The following TTC28 variants were observed in gnomAD, a reference collection of about 807,000 sequenced individuals.
TTC28 encodes tetratricopeptide repeat domain 28.
In TTC28, 61 loss-of-function variants were observed where a neutral mutation model predicts 198.0. That is an observed-to-expected ratio of 0.31 (90% confidence interval 0.25 to 0.38). The LOEUF is 0.38. Ranked by LOEUF, TTC28 falls within the 10% of genes least tolerant of loss-of-function variation. The pLI is 1.00. For synonymous variants in TTC28, 1,171 were observed against 1,297.8 expected (o/e 0.90, Z 2.10); for missense variants, 2,678 against 3,164.0 (o/e 0.85, Z 3.69).
At chr22:28,200,319 C>T (rs1445657617) in intron 5 of TTC28, among the ~76,000 whole-genome samples, 4 of 152,116 alleles carry the variant, frequency 2.6e-5, no homozygotes, top group African/African-American at 9.7e-5. Context: ...ACAGTGCTTA[C>T]AAATGGGAAA....
At chr22:28,290,568 T>C (rs1235243168) in intron 5 of TTC28, among the ~76,000 whole-genome samples, 1 of 152,134 alleles carries the variant, frequency 6.6e-6, no homozygotes, top group Non-Finnish European at 1.5e-5. Flanking sequence ...TGACAAAACA[T>C]GCAAGATGAA....
At chr22:28,217,813 T>C (rs775895347) in intron 5 of TTC28, among the ~76,000 whole-genome samples, 1 of 152,222 alleles carries the variant, frequency 6.6e-6, no homozygotes, top group Non-Finnish European at 1.5e-5. Flanking sequence ...TGTTAACCCA[T>C]TAGAATTACA....
chr22:28,127,133 A>AAAATATT (rs1255803793), intron 6 of TTC28, among the ~76,000 whole-genome samples: 3 of 152,238 alleles, frequency 2.0e-5, no homozygotes, highest in Admixed American at 1.3e-4. Context: ...GGCCCTGTTA[A>AAAATATT]AAATATTTGG....
intron 12 of TTC28, among the ~76,000 whole-genome samples, chr22:28,044,739 G>A (rs1939796420): frequency 6.6e-6 from 1 of 152,060 alleles, no homozygotes; most frequent in African/African-American, 2.4e-5. Flanking sequence ...AAAGCCTTCT[G>A]GCCTCTGGGA....
chr22:27,982,085 TG>T lies in TTC28; in HGVS notation c.*135del. The T allele has an allele frequency of 1.1e-6, 1 of 901,386 alleles. No individual in the cohort carries two copies. The highest frequency in any genetic ancestry group is 1.6e-6 in the Non-Finnish European group (1 of 626,180). The allele number at this position is 901,386 out of a possible 1,614,324, so 55.8% of individuals were successfully genotyped here. ...TGTGTGTGGCAGCCTTTGGACGTGG[TG>T]GTGCCCCTCGCCTGCAGAGCACAGC... On this transcript the variant is annotated 3_prime_UTR_variant, in exon 23 of 23. Coordinates refer to ENST00000397906, the MANE Select transcript of TTC28 (RefSeq NM_001145418.2). This position sits in a 1 kb window ranked among gnomAD's most constrained non-coding sequence, Gnocchi z 5.2.
chr22:28,285,179 C>T, intron 5 of TTC28, among the ~76,000 whole-genome samples: 1 of 151,768 alleles, frequency 6.6e-6, no homozygotes, highest in Non-Finnish European at 1.5e-5. Flanking sequence ...CACATACATA[C>T]AAAAATATAT....
intron 2 of TTC28, among the ~76,000 whole-genome samples, chr22:28,449,887 A>G (rs980263157): frequency 2.6e-5 from 4 of 152,174 alleles, no homozygotes; most frequent in African/African-American, 9.7e-5. Context: ...AGCCTGTTTC[A>G]TGAAAGGAAC....
At chr22:28,502,258 T>C (rs1348675519) in intron 2 of TTC28, among the ~76,000 whole-genome samples, 1 of 152,076 alleles carries the variant, frequency 6.6e-6, no homozygotes, top group Non-Finnish European at 1.5e-5. Flanking sequence ...GCTTGGAAAA[T>C]GTTCATGAAC....
At chr22:28,035,272 C>G (rs1055109393) in intron 12 of TTC28, among the ~76,000 whole-genome samples, 1 of 152,222 alleles carries the variant, frequency 6.6e-6, no homozygotes, top group Middle Eastern at 3.4e-3. Context: ...AAACGACAGG[C>G]GAGAAACTCC....
In TTC28 at chr22:28,644,919, G is replaced by A. The variant is rs578195423; in HGVS notation, c.103-15089C>T. 1.1e-4 allele frequency among the ~76,000 whole-genome samples: 16 copies of A among 152,144 alleles called. No homozygotes were observed. In the East Asian group the frequency reaches 1.2e-3, roughly 11 times the overall value. On this transcript the variant is annotated intron_variant, in intron 1 of 22. Transcript: ENST00000397906. ...CCAACACTTTGGGAGGCTGAGGTGC[G>A]CAGATCATGAGGTCAGGAGATCAAG...
chr22:28,209,803 C>A (rs558435705), intron 5 of TTC28, among the ~76,000 whole-genome samples: 2 of 152,148 alleles, frequency 1.3e-5, no homozygotes, highest in Non-Finnish European at 2.9e-5. Context: ...TCTCTCAGCA[C>A]GGAGTTTGAG....
Position 27,983,140 on chromosome 22 carries a change from G to T in TTC28, c.6527C>A (p.Ala2176Glu), listed in dbSNP as rs764330777. The change falls in exon 23 of 23, where the codon GCG (alanine) becomes GAG (glutamate). Residue 2176 changes from alanine to glutamate, a missense_variant. Ala to Glu is a moderately radical substitution (Grantham distance 107). Transcript: ENST00000397906. ...ILEETQSHLI[A>E]VERLQRSGGQ... ...GCCGCTCCTCTGAAGACGCTCCACC[G>T]CAATGAGATGACTCTGTGTCTCCTC... The T allele has an allele frequency of 2.4e-5, 38 of 1,551,646 alleles. 3 individuals are homozygous for T. In the South Asian group the frequency reaches 4.3e-4, roughly 17 times the overall value.
chr22:28,263,748 G>C (rs1375974275), intron 5 of TTC28, among the ~76,000 whole-genome samples: 1 of 152,084 alleles, frequency 6.6e-6, no homozygotes, highest in Non-Finnish European at 1.5e-5. Context: ...TGACCAGAGA[G>C]GATAAGCTTG....
chr22:28,538,892 T>C (rs551421576), intron 2 of TTC28, among the ~76,000 whole-genome samples: 155 of 152,318 alleles, frequency 1.0e-3, no homozygotes, highest in Admixed American at 6.2e-3. Context: ...ACTATGTGCA[T>C]GCTTTACATA....
intron 2 of TTC28, among the ~76,000 whole-genome samples, chr22:28,622,176 GA>G (rs2051010567): frequency 6.6e-6 from 1 of 152,178 alleles, no homozygotes; most frequent in African/African-American, 2.4e-5. Context: ...AATACTGGTA[GA>G]AAAATAGTTT....
Position 28,616,648 on chromosome 22 carries a change from T to C in TTC28, c.381+12904A>G, listed in dbSNP as rs183298089. On this transcript the variant is annotated intron_variant, in intron 2 of 22. Coordinates refer to ENST00000397906, the MANE Select transcript of TTC28 (RefSeq NM_001145418.2). ...AAGTGGACTGCTTAAGCTCAAGAGT[T>C]TGAGACCAGCTTGGGCAACACAGTG... Among the ~76,000 whole-genome samples the C allele has an allele frequency of 2.0e-3, 297 of 152,218 alleles. 1 individual carries two copies. Among genetic ancestry groups the C allele is most frequent in the African/African-American group, 7.0e-3 (290 of 41,544 alleles).
intron 1 of TTC28, among the ~76,000 whole-genome samples, chr22:28,674,334 G>T (rs1266454066): frequency 7.9e-6 from 1 of 126,262 alleles, no homozygotes; most frequent in South Asian, 2.7e-4. Context: ...GATTGGGTTT[G>T]TCTGTTTTTT....
At chr22:28,427,610 G>A (rs143069242) in intron 2 of TTC28, among the ~76,000 whole-genome samples, 478 of 152,264 alleles carry the variant, frequency 3.1e-3, no homozygotes, top group African/African-American at 0.011. Flanking sequence ...CAGAGATCGC[G>A]CCACCGCACT....
intron 13 of TTC28, among the ~76,000 whole-genome samples, chr22:28,024,134 G>A (rs1938725544): frequency 6.6e-6 from 1 of 152,124 alleles, no homozygotes; most frequent in African/African-American, 2.4e-5. Flanking sequence ...TGAGCCTCAG[G>A]CGAGTGCACA....
Sources: allele counts gnomAD v4.1 joint callset (sites outside exome capture counted in the v4.1 genomes callset), GRCh38; gene constraint gnomAD v4.1.1; non-coding constraint Gnocchi (gnomAD v3.1); transcripts MANE v1.5; gene names NCBI Gene and HGNC (gene_info 2026-07-23, HGNC 2026-07-21).